TGFA: variants seen among roughly 807,000 people sequenced by gnomAD.
TGFA encodes transforming growth factor alpha, also known as protransforming growth factor alpha.
In TGFA, 12 loss-of-function variants were observed where a neutral mutation model predicts 21.7. The ratio of observed to expected loss-of-function variants is 0.55; its 90% confidence interval spans 0.35 to 0.90. TGFA has a LOEUF of 0.90. Ranked by LOEUF, TGFA falls within the 40% of genes least tolerant of loss-of-function variation. The pLI is 0.01. For missense variants in TGFA, 178 were observed against 210.8 expected (o/e 0.84, Z 0.96); for synonymous variants, 79 against 88.1 (o/e 0.90, Z 0.58).
intron 2 of TGFA, among the ~76,000 whole-genome samples, chr2:70,504,471 T>TATATATATAC (rs1671852460): frequency 2.3e-5 from 2 of 87,166 alleles, no homozygotes; most frequent in Admixed American, 1.1e-4. Flanking sequence ...TATACACACA[T>TATATATATAC]ACATACATAC....
At chr2:70,516,600 T>C (rs545645166) in intron 1 of TGFA, among the ~76,000 whole-genome samples, 1 of 152,298 alleles carries the variant, frequency 6.6e-6, no homozygotes, top group South Asian at 2.1e-4. Flanking sequence ...AATTCTTTCT[T>C]GCTGTCCAAT....
At chr2:70,458,129 A>G (rs73939054) in intron 3 of TGFA, among the ~76,000 whole-genome samples, 1 of 152,076 alleles carries the variant, frequency 6.6e-6, no homozygotes, top group South Asian at 2.1e-4. Context: ...GCTTGCTTTG[A>G]TTTTAATAAC....
At chr2:70,504,928 C>CCTTGGGCAAGTTACTTAA (rs1671874272) in intron 2 of TGFA, among the ~76,000 whole-genome samples, 1 of 152,116 alleles carries the variant, frequency 6.6e-6, no homozygotes, top group Non-Finnish European at 1.5e-5. Context: ...AACTAGGTGA[C>CCTTGGGCAAGTTACTTAA]CTTGGGCAAG....
chr2:70,451,344 C>T (rs1670053167), intron 5 of TGFA, among the ~76,000 whole-genome samples: 1 of 152,234 alleles, frequency 6.6e-6, no homozygotes, highest in Admixed American at 6.5e-5. Flanking sequence ...ATGGACCGTC[C>T]TCAGTTCCTG....
intron 1 of TGFA, among the ~76,000 whole-genome samples, chr2:70,532,945 C>T (rs920177090): frequency 1.3e-5 from 2 of 151,754 alleles, no homozygotes; most frequent in Non-Finnish European, 2.9e-5. Context: ...ACTGCAGCCT[C>T]GACCTCCCTG....
At position 70,453,272 on chromosome 2, in the gene TGFA, C is replaced by T. The variant is rs781826380; in HGVS notation, c.421G>A (p.Glu141Lys). 45 of 1,613,920 alleles carry T rather than the reference C, an allele frequency of 2.8e-5. 1 individual carries two copies. Among genetic ancestry groups the T allele is most frequent in the South Asian group, 1.9e-4 (17 of 91,076 alleles). ...CCCTTCAGGAGGGCGCTGGGCTTCT[C>T]GTGCCGGCAGATGAGGGCCCGGCAC... ...EWCRALICRH[E>K]KPSALLKGRT... The change falls in exon 5 of 6, where the codon GAG (glutamate) becomes AAG (lysine). Residue 141 changes from glutamate to lysine, a missense_variant. Transcript: ENST00000295400.
rs1323808052 is a variant in TGFA, at chr2:70,450,268, G to A, written c.*591C>T. ...AATAAATAAGACATCATCTCCAAGG[G>A]TGGCGATAGCTTGGGATGGTCTTCA... On this transcript the variant is annotated 3_prime_UTR_variant, in exon 6 of 6. Transcript: ENST00000295400. 3.3e-5 allele frequency: 5 copies of A among 152,314 alleles called. No individual in the cohort carries two copies. The highest frequency in any genetic ancestry group is 7.3e-5 in the Non-Finnish European group (5 of 68,150). The allele number at this position is 152,314 out of a possible 1,614,324, so 9.4% of individuals were successfully genotyped here. A position where few individuals can be genotyped will look rare whatever the true frequency, so the allele number is the denominator to read the frequency against.
At chr2:70,552,120 G>C (rs1288350423) in intron 1 of TGFA, among the ~76,000 whole-genome samples, 1 of 152,138 alleles carries the variant, frequency 6.6e-6, no homozygotes, top group African/African-American at 2.4e-5. Flanking sequence ...CCACAAGTTA[G>C]GTGACTTTTC....
At position 70,471,232 on chromosome 2, in the gene TGFA, C is replaced by T. The variant is rs146744625; in HGVS notation, c.95-5496G>A. Among the ~76,000 whole-genome samples the T allele has an allele frequency of 2.2e-4, 34 of 152,178 alleles. 2 individuals are homozygous for T. Among genetic ancestry groups the T allele is most frequent in the African/African-American group, 7.9e-4 (33 of 41,540 alleles). On this transcript the variant is annotated intron_variant, in intron 2 of 5. Transcript: ENST00000295400. ...AGTTCAATGTGCACCATGTGCAGAACGGGTTCCTCTTCCACTGGCATATTT... is the reference window on the plus strand; with the variant it reads ...AGTTCAATGTGCACCATGTGCAGAATGGGTTCCTCTTCCACTGGCATATTT...
intron 1 of TGFA, among the ~76,000 whole-genome samples, chr2:70,545,922 TAAG>T (rs1384692139): frequency 6.6e-6 from 1 of 152,068 alleles, no homozygotes; most frequent in Non-Finnish European, 1.5e-5. Flanking sequence ...GATCAATCAA[TAAG>T]AAAAAAATTT....
intron 1 of TGFA, among the ~76,000 whole-genome samples, chr2:70,525,411 C>A (rs1402962264): frequency 6.6e-6 from 1 of 152,138 alleles, no homozygotes; most frequent in Non-Finnish European, 1.5e-5. Flanking sequence ...ACAGGACACC[C>A]CTTAGGCATG....
At chr2:70,549,443 A>G (rs1189221606) in intron 1 of TGFA, among the ~76,000 whole-genome samples, 1 of 152,168 alleles carries the variant, frequency 6.6e-6, no homozygotes, top group Admixed American at 6.5e-5. Context: ...CACACCTGGG[A>G]ACTTGTCAGC....
Position 70,447,878 on chromosome 2 carries a change from A to G in TGFA, c.*2981T>C, listed in dbSNP as rs1669929161. On this transcript the variant is annotated 3_prime_UTR_variant, in exon 6 of 6. Transcript: ENST00000295400. Reference sequence around the variant, plus strand: ...GTCTCCTGAGCAGTGTTAGAGCCTCATTAGTCCATCCCGGCCAAATTGACT... The same window carrying G: ...GTCTCCTGAGCAGTGTTAGAGCCTCGTTAGTCCATCCCGGCCAAATTGACT... The G allele has an allele frequency of 1.3e-5, 2 of 152,238 alleles. No homozygotes were observed. Among genetic ancestry groups the G allele is most frequent in the Non-Finnish European group, 2.9e-5 (2 of 68,072 alleles). The allele number at this position is 152,238 out of a possible 1,614,324, so 9.4% of individuals were successfully genotyped here. A position where few individuals can be genotyped will look rare whatever the true frequency, so the allele number is the denominator to read the frequency against.
intron 1 of TGFA, among the ~76,000 whole-genome samples, chr2:70,517,888 G>A (rs1342516598): frequency 6.6e-6 from 1 of 152,250 alleles, no homozygotes; most frequent in East Asian, 1.9e-4. Context: ...TCCCTGCCAT[G>A]AACAAGGTCT....
At chr2:70,490,584 C>T (rs531648055) in intron 2 of TGFA, among the ~76,000 whole-genome samples, 241 of 152,304 alleles carry the variant, frequency 1.6e-3, no homozygotes, top group African/African-American at 5.4e-3. Context: ...CAATCTTTCC[C>T]GCTTAGAAAG....
At chr2:70,476,389 G>A (rs1670936027) in intron 2 of TGFA, among the ~76,000 whole-genome samples, 1 of 152,216 alleles carries the variant, frequency 6.6e-6, no homozygotes, top group Admixed American at 6.5e-5. Flanking sequence ...GGGAACTGGA[G>A]CCCAGTCCTG....
intron 1 of TGFA, among the ~76,000 whole-genome samples, chr2:70,547,364 C>T (rs1320910359): frequency 4.0e-5 from 6 of 151,866 alleles, no homozygotes; most frequent in Non-Finnish European, 7.4e-5. Context: ...GAGGCCGAGG[C>T]GGGCAGATTG....
At chr2:70,460,034 A>T (rs1670364441) in intron 3 of TGFA, among the ~76,000 whole-genome samples, 1 of 152,202 alleles carries the variant, frequency 6.6e-6, no homozygotes, top group African/African-American at 2.4e-5. Context: ...TCTCTCTGCA[A>T]ATGGGGCCTG....
chr2:70,501,126 T>G (rs1553499073), intron 2 of TGFA, among the ~76,000 whole-genome samples: 1 of 152,084 alleles, frequency 6.6e-6, no homozygotes, highest in Non-Finnish European at 1.5e-5. Context: ...GTACATGAAC[T>G]CCTGCATATG....
Sources: allele counts gnomAD v4.1 joint callset (sites outside exome capture counted in the v4.1 genomes callset), GRCh38; gene constraint gnomAD v4.1.1; transcripts MANE v1.5; gene names NCBI Gene and HGNC (gene_info 2026-07-23, HGNC 2026-07-21).